The following NT5M variants were observed in gnomAD, a reference collection of about 807,000 sequenced individuals.
NT5M encodes the protein 5',3'-nucleotidase, mitochondrial, also known as 5'(3')-deoxyribonucleotidase, mitochondrial.
Under a neutral mutation model 22.2 loss-of-function variants are expected in NT5M, and 22 were observed. That is an observed-to-expected ratio of 0.99 (90% CI 0.71 to 1.41). NT5M has a LOEUF of 1.41. Among genes scored for constraint, NT5M ranks in the 40% most tolerant of loss-of-function variants. The pLI, the probability that NT5M is intolerant of heterozygous loss-of-function variation, is 0.00. For synonymous variants in NT5M, 167 were observed against 133.0 expected (o/e 1.26, Z -1.76); for missense variants, 322 against 314.8 (o/e 1.02, Z -0.17).
chr17:17,306,460 CT>C, intron 1 of NT5M, 82 bp from the exon 2 acceptor site: 1 of 912,926 alleles, frequency 1.1e-6, no homozygotes. Flanking sequence ...ACCACTCCCC[CT>C]ATAGCCTGGC....
intron 2 of NT5M, among the ~76,000 whole-genome samples, chr17:17,312,068 A>C (rs983588899): frequency 6.6e-6 from 1 of 152,234 alleles, no homozygotes; most frequent in African/African-American, 2.4e-5. Flanking sequence ...GATGTCAGGC[A>C]AGTTATTAAA....
intron 3 of NT5M, among the ~76,000 whole-genome samples, chr17:17,329,469 C>G (rs138650135): frequency 1.3e-5 from 2 of 152,136 alleles, no homozygotes; most frequent in African/African-American, 4.8e-5. Context: ...CCTTTTCACC[C>G]CCTAGAGAGA....
intron 3 of NT5M, among the ~76,000 whole-genome samples, chr17:17,341,288 C>T (rs1015704503): frequency 7.2e-5 from 11 of 152,034 alleles, no homozygotes; most frequent in Non-Finnish European, 1.2e-4. Flanking sequence ...TTATTTAGTA[C>T]GTCTGTATCA....
chr17:17,346,753 G>T lies in NT5M; in HGVS notation c.545-52G>T, dbSNP rs879478546. On this transcript the variant is annotated intron_variant, in intron 4 of 4. Coordinates refer to ENST00000389022, the MANE Select transcript of NT5M (RefSeq NM_020201.4). Reference sequence around the variant, plus strand: ...GATACCCAGGTTTCCACCCTAGGCGGCTGCGCTCCAGGTCTCCACTGCTGA... The same window carrying T: ...GATACCCAGGTTTCCACCCTAGGCGTCTGCGCTCCAGGTCTCCACTGCTGA... 164 of 1,600,006 alleles carry T rather than the reference G, an allele frequency of 1.0e-4. 1 individual carries two copies. Among genetic ancestry groups the T allele is most frequent in the Admixed American group, 1.7e-4 (10 of 59,902 alleles).
intron 2 of NT5M, 122 bp downstream of exon 2, chr17:17,306,765 T>A: frequency 1.4e-6 from 1 of 701,622 alleles, no homozygotes; most frequent in Admixed American, 2.5e-5. Flanking sequence ...TGCGCAAGGC[T>A]GCACTTGCCT....
At chr17:17,325,855 A>G (rs1450228090) in intron 3 of NT5M, among the ~76,000 whole-genome samples, 1 of 152,184 alleles carries the variant, frequency 6.6e-6, no homozygotes, top group Non-Finnish European at 1.5e-5. Flanking sequence ...ACATTTCGTG[A>G]CCATCATATT....
intron 1 of NT5M, chr17:17,304,363 G>C: frequency 1.0e-6 from 1 of 983,820 alleles, no homozygotes; most frequent in East Asian, 1.1e-4. Context: ...TCCCCTTGCA[G>C]AGCTGGCCTT....
At chr17:17,330,366 G>C (rs11869507) in intron 3 of NT5M, among the ~76,000 whole-genome samples, 3,240 of 146,014 alleles carry the variant, frequency 0.022, 126 homozygotes, top group African/African-American at 0.079. Context: ...AAATAAAAAC[G>C]TAAAAACGTA....
intron 1 of NT5M, chr17:17,304,531 A>G (rs2048750845): frequency 2.8e-6 from 2 of 701,882 alleles, no homozygotes; most frequent in African/African-American, 1.9e-5. Flanking sequence ...GGTATGCACA[A>G]AATTAAAGAG....
chr17:17,311,840 T>C (rs939692830), intron 2 of NT5M, among the ~76,000 whole-genome samples: 3 of 152,212 alleles, frequency 2.0e-5, no homozygotes, highest in Non-Finnish European at 4.4e-5. Context: ...GAACTTGATG[T>C]ATCGTGTTCC....
At chr17:17,316,289 C>T (rs73302340) in intron 2 of NT5M, among the ~76,000 whole-genome samples, 10,017 of 150,276 alleles carry the variant, frequency 0.067, 1,160 homozygotes, top group African/African-American at 0.23. Flanking sequence ...ACCTCTTAAC[C>T]GCTTGACTTC....
At position 17,346,837 on chromosome 17, in the gene NT5M, C is replaced by G; in HGVS notation, c.577C>G (p.Leu193Val). The G allele has an allele frequency of 6.2e-7, 1 of 1,608,082 alleles. No homozygotes were observed. The highest frequency in any genetic ancestry group is 1.1e-5 in the South Asian group (1 of 91,066). Residue 193 changes from leucine to valine, a missense_variant, in exon 5 of 5, where the codon CTC (leucine) becomes GTC (valine). Transcript: ENST00000389022. ...AEPTPSWEHV[L>V]FTACHNQHLQ... is the part of the protein sequence containing the mutation. ...GCCAACCCCCAGCTGGGAGCATGTC[C>G]TCTTCACCGCCTGCCACAACCAGCA... is the stretch of plus-strand genomic sequence containing the variant.
chr17:17,338,928 T>C (rs948503523), intron 3 of NT5M, among the ~76,000 whole-genome samples: 1 of 151,848 alleles, frequency 6.6e-6, no homozygotes, highest in East Asian at 1.9e-4. Flanking sequence ...GGGGTTTCAC[T>C]GTGTTAGCCA....
intron 3 of NT5M, among the ~76,000 whole-genome samples, chr17:17,332,889 G>A (rs900604673): frequency 6.6e-6 from 1 of 151,924 alleles, no homozygotes; most frequent in Non-Finnish European, 1.5e-5. Flanking sequence ...GGGAGTGGAG[G>A]GTATATGGGA....
chr17:17,346,193 G>A (rs1353586290), intron 4 of NT5M, among the ~76,000 whole-genome samples: 1 of 152,012 alleles, frequency 6.6e-6, no homozygotes, highest in African/African-American at 2.4e-5. Context: ...GCAGACAGTG[G>A]TCTGTGGGGT....
Position 17,325,007 on chromosome 17 carries a change from C to T in NT5M, c.429+1762C>T, listed in dbSNP as rs146262801. Among the ~76,000 whole-genome samples, 37 of 152,308 alleles carry T rather than the reference C, an allele frequency of 2.4e-4. No homozygotes were observed. In the East Asian group the frequency reaches 2.5e-3, roughly 10 times the overall value. On this transcript the variant is annotated intron_variant, in intron 3 of 4. Coordinates refer to ENST00000389022, the MANE Select transcript of NT5M (RefSeq NM_020201.4). ...AAGTGAGTCCTGAGACCAGAGTCAG[C>T]ATCCCTTGGAGACTCCTTAGGAGTG...
chr17:17,336,060 T>A (rs1031151672), intron 3 of NT5M, among the ~76,000 whole-genome samples: 2 of 147,206 alleles, frequency 1.4e-5, no homozygotes, highest in African/African-American at 5.1e-5. Flanking sequence ...TGGAGTGCAG[T>A]GGCGCGATCT....
intron 3 of NT5M, among the ~76,000 whole-genome samples, chr17:17,341,345 A>G (rs907118948): frequency 2.6e-5 from 4 of 152,118 alleles, no homozygotes; most frequent in African/African-American, 9.7e-5. Context: ...TCATACCAGC[A>G]ACACTGTGAG....
At chr17:17,330,310 A>C (rs1052410198) in intron 3 of NT5M, among the ~76,000 whole-genome samples, 8 of 151,008 alleles carry the variant, frequency 5.3e-5, no homozygotes, top group Admixed American at 1.3e-4. Flanking sequence ...AAAAAAAAAA[A>C]CAAAAAAAAA....
Sources: allele counts gnomAD v4.1 joint callset (sites outside exome capture counted in the v4.1 genomes callset), GRCh38; gene constraint gnomAD v4.1.1; transcripts MANE v1.5; gene names NCBI Gene and HGNC (gene_info 2026-07-23, HGNC 2026-07-21).